Variants in PELI3 observed in about 807,000 individuals in gnomAD.
PELI3 encodes the protein pellino E3 ubiquitin protein ligase family member 3.
In PELI3, 19 loss-of-function variants were observed where a neutral mutation model predicts 35.5. The ratio of observed to expected loss-of-function variants is 0.54; its 90% CI spans 0.37 to 0.79. PELI3 has a LOEUF of 0.79. Among genes scored for constraint, PELI3 ranks in the 30% least tolerant of loss-of-function variants. The pLI, the probability that PELI3 is intolerant of heterozygous loss-of-function variation, is 0.00. For synonymous variants in PELI3, 262 were observed against 279.2 expected (o/e 0.94, Z 0.62); for missense variants, 490 against 661.2 (o/e 0.74, Z 2.84).
Position 66,468,188 on chromosome 11 carries a change from G to A in PELI3, c.60G>A (p.Arg20=). The A allele has an allele frequency of 6.2e-7, 1 of 1,607,564 alleles. No individual in the cohort carries two copies. Among genetic ancestry groups the A allele is most frequent in the South Asian group, 1.1e-5 (1 of 90,550 alleles). ...CCCGAACCTCAGACCTCCAGCACCG[G>A]GGGAACAAGGGCTCTTGCGTTCTCT... The part of the protein sequence containing the change: ...GSPRTSDLQH[R]GNKGSCVLSS... The change falls in exon 2 of 8, where the codon CGG becomes CGA. Residue 20 remains arginine (R), a synonymous_variant. Coordinates refer to ENST00000320740, the MANE Select transcript of PELI3 (RefSeq NM_145065.3).
In PELI3 at chr11:66,476,931, A is replaced by T. The variant is rs1854940921; in HGVS notation, c.*764A>T. On this transcript the variant is annotated 3_prime_UTR_variant, in exon 8 of 8. Coordinates refer to ENST00000320740, the MANE Select transcript of PELI3 (RefSeq NM_145065.3). ...GGCTTCACGGAGGAGGTGTCATAGG[A>T]GCTCAGCCTCAACGGCTGCTCGGAA... The T allele has an allele frequency of 6.6e-6, 1 of 152,266 alleles. No homozygotes were observed. The highest frequency in any genetic ancestry group is 2.1e-4 in the South Asian group (1 of 4,826). 9.4% of individuals were successfully genotyped at this position (152,266 alleles called of 1,614,324 possible).
chr11:66,471,034 G>GA (rs1355448540), intron 3 of PELI3, among the ~76,000 whole-genome samples: 2 of 152,128 alleles, frequency 1.3e-5, no homozygotes, highest in Non-Finnish European at 2.9e-5. Context: ...AAGTGCTTTT[G>GA]AAACTGCTCT....
At chr11:66,474,134 G>A (rs981337732) in intron 7 of PELI3, 13 of 716,796 alleles carry the variant, frequency 1.8e-5, no homozygotes, top group African/African-American at 1.8e-4. Context: ...CCCAAGCATA[G>A]CATGCATACC....
intron 3 of PELI3, among the ~76,000 whole-genome samples, chr11:66,469,717 A>G (rs1565257401): frequency 6.6e-6 from 1 of 151,974 alleles, no homozygotes; most frequent in Non-Finnish European, 1.5e-5. Flanking sequence ...GCTGGAGGGC[A>G]CTGAAAATAC....
intron 4 of PELI3, among the ~76,000 whole-genome samples, chr11:66,472,026 A>ATT (rs1212408107): frequency 1.4e-4 from 18 of 132,290 alleles, no homozygotes; most frequent in Non-Finnish European, 1.8e-4. Flanking sequence ...CACCCAGCTA[A>ATT]TTTTTTTTTT....
intron 3 of PELI3, 137 bp from the exon 4 acceptor site, chr11:66,471,105 G>T: frequency 8.4e-7 from 1 of 1,193,772 alleles, no homozygotes; most frequent in Non-Finnish European, 1.2e-6. Context: ...CTAGTTTCAG[G>T]TGCTTGTAGA....
chr11:66,468,956 G>C, intron 3 of PELI3, 52 bp downstream of exon 3: 1 of 698,642 alleles, frequency 1.4e-6, no homozygotes, highest in East Asian at 2.7e-5. Context: ...TCTAGGTCTA[G>C]TGCGCTTTCA....
rs563979185 is a variant in PELI3 at position 66,471,430 on chromosome 11, C to T, written c.354+59C>T. Reference sequence around the variant, plus strand: ...CCTCCCTGCCCAAGGCCCAGGTCTTCGGCCTTCCAGGTCCTACCTGCCCAC... The same window carrying T: ...CCTCCCTGCCCAAGGCCCAGGTCTTTGGCCTTCCAGGTCCTACCTGCCCAC... On this transcript the variant is annotated intron_variant, in intron 4 of 7. Coordinates refer to ENST00000320740, the MANE Select transcript of PELI3 (RefSeq NM_145065.3). The T allele has an allele frequency of 1.0e-4, 166 of 1,590,904 alleles. 1 individual carries two copies. Among genetic ancestry groups the T allele is most frequent in the Middle Eastern group, 1.0e-3 (6 of 5,880 alleles).
At chr11:66,471,095 C>G (rs928228518) in intron 3 of PELI3, 147 bp from the exon 4 acceptor site, 1 of 1,112,350 alleles carries the variant, frequency 9.0e-7, no homozygotes, top group African/African-American at 1.6e-5. Context: ...GTAGGGTCTT[C>G]TAGTTTCAGG....
intron 7 of PELI3, among the ~76,000 whole-genome samples, chr11:66,475,260 G>C (rs1565260295): frequency 6.6e-6 from 1 of 152,238 alleles, no homozygotes; most frequent in Non-Finnish European, 1.5e-5. Context: ...TTCCCCGTTA[G>C]CTTTGAGCTA....
chr11:66,475,637 A>G lies in PELI3; in HGVS notation c.880A>G (p.Ile294Val). 2 of 1,612,572 alleles carry G rather than the reference A, an allele frequency of 1.2e-6. No individual in the cohort carries two copies. Among genetic ancestry groups the G allele is most frequent in the Non-Finnish European group, 1.7e-6 (2 of 1,179,898 alleles). The change falls in exon 8 of 8, where the codon ATC (isoleucine) becomes GTC (valine). Residue 294 changes from isoleucine (I) to valine (V), a missense_variant. Coordinates refer to ENST00000320740, the MANE Select transcript of PELI3 (RefSeq NM_145065.3). ...CAACGTGCTGCAGGACGGCTCTCTC[A>G]TCGACCTGTGTGGGGCCACACTGCT... ...ESNVLQDGSL[I>V]DLCGATLLWR...
chr11:66,473,370 C>T lies in PELI3; in HGVS notation c.586C>T (p.Arg196Trp), dbSNP rs557729250. The T allele has an allele frequency of 1.9e-5, 31 of 1,613,644 alleles. No individual in the cohort carries two copies. Among genetic ancestry groups the T allele is most frequent in the Non-Finnish European group, 2.4e-5 (28 of 1,180,018 alleles). Residue 196 changes from arginine to tryptophan, a missense_variant, in exon 6 of 8, where the codon CGG (arginine) becomes TGG (tryptophan). Physicochemically the swap from Arg to Trp is moderately radical, Grantham distance 101. This residue lies in a region of PELI3 where 349 missense variants were observed against 484.8 expected (regional missense o/e 0.72). Coordinates refer to ENST00000320740, the MANE Select transcript of PELI3 (RefSeq NM_145065.3). The surrounding 1 kb of genome is among the most constrained non-coding windows in gnomAD (Gnocchi z 5.8). The part of the protein sequence containing the change: ...RYACRILCDR[R>W]PPYTARIYAA... ...TGCCTGCCGCATCCTCTGTGACCGC[C>T]GGCCACCCTATACTGCCCGCATCTA...
At position 66,471,358 on chromosome 11, in the gene PELI3, C is replaced by T. The variant is rs770406125; in HGVS notation, c.341C>T (p.Pro114Leu). The change falls in exon 4 of 8, where the codon CCG becomes CTG. Residue 114 changes from proline (P) to leucine (L), a missense_variant. This residue lies in a region of PELI3 where 137 missense variants were observed against 157.1 expected (regional missense o/e 0.87). Transcript: ENST00000320740. ...GACGTCATGCACCACATCTCCACGC[C>T]GCTCGTCTCCAAGGCAAGCAACTGA... Reference protein sequence around the residue: ...KPDVMHHISTPLVSKALSNRG... With the variant: ...KPDVMHHISTLLVSKALSNRG... 8 of 1,613,934 alleles carry T rather than the reference C, an allele frequency of 5.0e-6. No homozygotes were observed. Among genetic ancestry groups the T allele is most frequent in the East Asian group, 4.5e-5 (2 of 44,854 alleles).
chr11:66,471,717 AG>A (rs541424055), intron 4 of PELI3, among the ~76,000 whole-genome samples: 285 of 152,236 alleles, frequency 1.9e-3, no homozygotes, highest in Non-Finnish European at 3.1e-3. Flanking sequence ...GGGAGGTGAC[AG>A]TCATACTGCA....
At chr11:66,475,510 G>T (rs980741359) in intron 7 of PELI3, 88 bp from the exon 8 acceptor site, 34 of 1,439,148 alleles carry the variant, frequency 2.4e-5, no homozygotes, top group Middle Eastern at 3.9e-4. Flanking sequence ...GCCCGCCAGG[G>T]TGTCCTCTCC....
At chr11:66,472,754 C>A (rs1854768283) in intron 5 of PELI3, among the ~76,000 whole-genome samples, 1 of 152,184 alleles carries the variant, frequency 6.6e-6, no homozygotes. Context: ...CATCACTTAC[C>A]ACTGGGTGAC....
intron 7 of PELI3, 115 bp downstream of exon 7, chr11:66,474,040 C>T (rs2134697409): frequency 1.5e-6 from 2 of 1,339,074 alleles, no homozygotes; most frequent in South Asian, 1.2e-5. Context: ...GGAGCCCCAA[C>T]AGGCTCCATA....
upstream of PELI3, chr11:66,466,903 G>C (rs1201139369): frequency 2.0e-5 from 3 of 151,972 alleles, no homozygotes; most frequent in Admixed American, 6.5e-5. Flanking sequence ...CCGGCCCTGG[G>C]TGTCCCCGTG....
chr11:66,475,886 C>T lies in PELI3; in HGVS notation c.1129C>T (p.Arg377Trp), dbSNP rs756626915. 8.1e-6 allele frequency: 13 copies of T among 1,604,682 alleles called. No individual in the cohort carries two copies. The highest frequency in any genetic ancestry group is 6.7e-5 in the African/African-American group (5 of 74,760). The change falls in exon 8 of 8, where the codon CGG (arginine) becomes TGG (tryptophan). Residue 377 changes from arginine to tryptophan, a missense_variant. Arg to Trp is a moderately radical substitution (Grantham distance 101). This residue lies in a region of PELI3 where 349 missense variants were observed against 484.8 expected (regional missense o/e 0.72). Coordinates refer to ENST00000320740, the MANE Select transcript of PELI3 (RefSeq NM_145065.3). The stretch of plus-strand genomic sequence containing the variant: ...CCACGGCTGGGGCTGCCGGCGGGAG[C>T]GGGGCCCCCAGGAGCGCGAATGTCC... ...GYHGWGCRRE[R>W]GPQERECPLC... is the part of the protein sequence containing the mutation.
Sources: gnomAD v4.1 joint callset for allele counts (sites outside exome capture counted in the v4.1 genomes callset) on GRCh38, gnomAD v4.1.1 for gene constraint, gnomAD v4.1.1 regional missense constraint, Gnocchi (gnomAD v3.1) non-coding constraint, MANE v1.5 for transcripts, NCBI Gene and HGNC (gene_info 2026-07-23, HGNC 2026-07-21) for gene names.